Variants in VKORC1L1 observed in about 807,000 individuals in gnomAD.
The protein encoded by VKORC1L1 is vitamin K epoxide reductase complex subunit 1L1.
VKORC1L1 carries 2 observed loss-of-function variants against 18.9 expected under a neutral mutation model. That is an observed-to-expected ratio of 0.11 (90% CI 0.04 to 0.33). The LOEUF is 0.33. Ranked by LOEUF, VKORC1L1 falls within the 10% of genes least tolerant of loss-of-function variation. VKORC1L1 has a pLI of 1.00. For synonymous variants in VKORC1L1, 96 were observed against 100.0 expected (o/e 0.96, Z 0.24); for missense variants, 123 against 224.1 (o/e 0.55, Z 2.88).
At chr7:65,929,636 A>G (rs1005508825) in intron 1 of VKORC1L1, among the ~76,000 whole-genome samples, 3 of 145,284 alleles carry the variant, frequency 2.1e-5, no homozygotes, top group Non-Finnish European at 4.5e-5. Flanking sequence ...AAAAAATGCT[A>G]CTGATATATA....
intron 1 of VKORC1L1, among the ~76,000 whole-genome samples, chr7:65,947,223 G>A (rs1415593417): frequency 2.6e-5 from 4 of 151,982 alleles, no homozygotes; most frequent in Admixed American, 6.6e-5. Flanking sequence ...TTGTAAAATC[G>A]GGGTGATTTT....
intron 1 of VKORC1L1, among the ~76,000 whole-genome samples, chr7:65,903,003 A>C (rs1789345030): frequency 6.6e-6 from 1 of 151,870 alleles, no homozygotes; most frequent in Non-Finnish European, 1.5e-5. Context: ...AGTAGCTGGG[A>C]TTACAGGCAT....
intron 1 of VKORC1L1, among the ~76,000 whole-genome samples, chr7:65,874,717 A>G (rs1477595778): frequency 6.6e-6 from 1 of 152,072 alleles, no homozygotes; most frequent in Non-Finnish European, 1.5e-5. Context: ...GAGGCAGGAG[A>G]ATTGCTTGAA....
chr7:65,925,114 A>G (rs1789739855), intron 1 of VKORC1L1, among the ~76,000 whole-genome samples: 1 of 152,170 alleles, frequency 6.6e-6, no homozygotes, highest in South Asian at 2.1e-4. Flanking sequence ...AGATCCATCT[A>G]GAAACCTTCA....
At chr7:65,900,870 A>G (rs368707215) in intron 1 of VKORC1L1, among the ~76,000 whole-genome samples, 6 of 152,204 alleles carry the variant, frequency 3.9e-5, no homozygotes, top group African/African-American at 1.4e-4. Flanking sequence ...TAGAAATTAT[A>G]TTTTGTATTC....
chr7:65,890,957 A>G (rs1315154649), intron 1 of VKORC1L1, among the ~76,000 whole-genome samples: 1 of 152,212 alleles, frequency 6.6e-6, no homozygotes, highest in East Asian at 1.9e-4. Flanking sequence ...CTTTCATGGT[A>G]ATTTCCAGAA....
chr7:65,898,712 A>G (rs1157109433), intron 1 of VKORC1L1, among the ~76,000 whole-genome samples: 1 of 152,226 alleles, frequency 6.6e-6, no homozygotes, highest in Non-Finnish European at 1.5e-5. Flanking sequence ...TACATGTAGC[A>G]AAACTTACTA....
At chr7:65,886,324 T>C (rs573821315) in intron 1 of VKORC1L1, among the ~76,000 whole-genome samples, 8 of 152,314 alleles carry the variant, frequency 5.3e-5, no homozygotes, top group African/African-American at 1.2e-4. Context: ...TTAACTCTTA[T>C]TGTTAGATAT....
chr7:65,910,606 A>G (rs940736304), intron 1 of VKORC1L1, among the ~76,000 whole-genome samples: 5 of 152,086 alleles, frequency 3.3e-5, no homozygotes, highest in African/African-American at 4.8e-5. Context: ...TCACATCACC[A>G]TCATCTTTGG....
chr7:65,874,351 G>A (rs1788788605), intron 1 of VKORC1L1, among the ~76,000 whole-genome samples: 3 of 151,860 alleles, frequency 2.0e-5, no homozygotes, highest in Non-Finnish European at 2.9e-5. Context: ...TTTAGGCATT[G>A]GAATGACTTT....
intron 1 of VKORC1L1, among the ~76,000 whole-genome samples, chr7:65,933,307 C>G (rs902541599): frequency 4.9e-4 from 75 of 151,918 alleles, no homozygotes; most frequent in Non-Finnish European, 9.4e-4. Context: ...TTTGGGAGTT[C>G]TCTTATTAGA....
chr7:65,949,775 C>T (rs1392292995), intron 2 of VKORC1L1, among the ~76,000 whole-genome samples: 1 of 152,124 alleles, frequency 6.6e-6, no homozygotes, highest in Non-Finnish European at 1.5e-5. Context: ...CAGAGCAAGA[C>T]GCTGTCTCAA....
In VKORC1L1 at chr7:65,958,839, TTAA is replaced by T. The variant is rs1197920906; in HGVS notation, c.*4541_*4543del. 6.6e-6 allele frequency: 1 copy of T among 152,242 alleles called. No individual in the cohort carries two copies. The highest frequency in any genetic ancestry group is 2.4e-5 in the African/African-American group (1 of 41,466). The allele number at this position is 152,242 out of a possible 1,614,324, so 9.4% of individuals were successfully genotyped here. On this transcript the variant is annotated 3_prime_UTR_variant, in exon 3 of 3. Transcript: ENST00000360768. ...CAGTTCTGTGAACACTCAGAATGTATTAATGAGCTGTTTTTCCATAGTTTTACT... is the reference window on the plus strand; with the variant it reads ...CAGTTCTGTGAACACTCAGAATGTATTGAGCTGTTTTTCCATAGTTTTACT...
Position 65,958,769 on chromosome 7 carries a change from G to A in VKORC1L1, c.*4469G>A, listed in dbSNP as rs1484859883. The A allele has an allele frequency of 6.6e-6, 1 of 152,202 alleles. No homozygotes were observed. The highest frequency in any genetic ancestry group is 1.5e-5 in the Non-Finnish European group (1 of 68,040). 9.4% of individuals were successfully genotyped at this position (152,202 alleles called of 1,614,324 possible). ...CTTGGAATTCCTGTAGGTTTACGGTGTATGTGATTGTCAAGAATTAATGAC... is the reference window on the plus strand; with the variant it reads ...CTTGGAATTCCTGTAGGTTTACGGTATATGTGATTGTCAAGAATTAATGAC... On this transcript the variant is annotated 3_prime_UTR_variant, in exon 3 of 3. Coordinates refer to ENST00000360768, the MANE Select transcript of VKORC1L1 (RefSeq NM_173517.6).
intron 1 of VKORC1L1, among the ~76,000 whole-genome samples, chr7:65,910,874 C>T (rs1789491604): frequency 6.6e-6 from 1 of 152,148 alleles, no homozygotes; most frequent in African/African-American, 2.4e-5. Context: ...TGATCATCTG[C>T]TTCTATTAGC....
rs544638609 is a variant in VKORC1L1 at position 65,920,633 on chromosome 7, G to A, written c.195-28038G>A. ...AGGTGTCAAAAGCTGGGATCTGAAA[G>A]ATGAGAATTAAGTAGCTTCTGTGGT... On this transcript the variant is annotated intron_variant, in intron 1 of 2. Transcript: ENST00000360768. 3.3e-5 allele frequency among the ~76,000 whole-genome samples: 5 copies of A among 152,334 alleles called. 1 individual carries two copies. In the South Asian group the frequency reaches 1.0e-3, roughly 32 times the overall value.
At position 65,943,220 on chromosome 7, in the gene VKORC1L1, G is replaced by A. The variant is rs111323327; in HGVS notation, c.195-5451G>A. ...TCGAGACGAGCCTGGCCAACATGGC[G>A]AAACCCTCTCTACAAAAAAAAATGT... On this transcript the variant is annotated intron_variant, in intron 1 of 2. Transcript: ENST00000360768. Among the ~76,000 whole-genome samples the A allele has an allele frequency of 2.5e-3, 379 of 151,968 alleles. 3 individuals carry two copies. The highest frequency in any genetic ancestry group is 8.7e-3 in the African/African-American group (359 of 41,412).
intron 1 of VKORC1L1, among the ~76,000 whole-genome samples, chr7:65,896,194 G>A (rs1473291494): frequency 1.3e-5 from 2 of 151,390 alleles, no homozygotes; most frequent in Admixed American, 6.6e-5. Flanking sequence ...GTGAGCCACC[G>A]CGCCCAGCCA....
intron 1 of VKORC1L1, among the ~76,000 whole-genome samples, chr7:65,946,465 T>C (rs1042528089): frequency 2.0e-5 from 3 of 152,076 alleles, no homozygotes; most frequent in African/African-American, 4.8e-5. Flanking sequence ...CATTTTGTGT[T>C]GTGTTTTCTC....
Sources: allele counts gnomAD v4.1 joint callset (sites outside exome capture counted in the v4.1 genomes callset), GRCh38; gene constraint gnomAD v4.1.1; transcripts MANE v1.5; gene names NCBI Gene and HGNC (gene_info 2026-07-23, HGNC 2026-07-21).